Variants in PDE4D observed in about 807,000 individuals in gnomAD.
PDE4D encodes the protein phosphodiesterase 4D.
PDE4D carries 24 observed loss-of-function variants against 87.4 expected under a neutral mutation model. The observed-to-expected ratio is 0.27, with a 90% CI of 0.20 to 0.39. The LOEUF is 0.39. Ranked by LOEUF, PDE4D falls within the 10% of genes least tolerant of loss-of-function variation. The pLI is 1.00. For missense variants in PDE4D, 714 were observed against 1,041.0 expected (o/e 0.69, Z 4.32); for synonymous variants, 384 against 383.2 (o/e 1.00, Z -0.02).
chr5:59,581,689 C>A (rs114959770), intron 1 of PDE4D, among the ~76,000 whole-genome samples: 47 of 152,226 alleles, frequency 3.1e-4, no homozygotes, highest in African/African-American at 1.1e-3. Context: ...CAACTTTGCT[C>A]CTCTATCATA....
chr5:59,315,472 A>G (rs952593439), intron 1 of PDE4D, among the ~76,000 whole-genome samples: 4 of 151,676 alleles, frequency 2.6e-5, no homozygotes, highest in African/African-American at 9.7e-5. Context: ...TTGAGGGGGG[A>G]ATATGTTAGG....
rs116113362 is a variant in PDE4D, at chr5:59,354,313, G to A, written c.456-138345C>T. On this transcript the variant is annotated intron_variant, in intron 1 of 14. Transcript: ENST00000340635. The stretch of plus-strand genomic sequence containing the variant: ...GATAAGCTTAAGTTACTTTCACCGC[G>A]TAAGGATTTTGTATATTTTTTAAAA... Among the ~76,000 whole-genome samples the A allele has an allele frequency of 5.5e-3, 836 of 152,240 alleles. 13 individuals carry two copies. Among genetic ancestry groups the A allele is most frequent in the African/African-American group, 0.019 (797 of 41,532 alleles).
chr5:59,885,583 T>A (rs573444575), intron 1 of PDE4D, among the ~76,000 whole-genome samples: 5 of 152,308 alleles, frequency 3.3e-5, no homozygotes, highest in African/African-American at 1.2e-4. Flanking sequence ...ATAAACATTC[T>A]CTAAGAAATG....
At chr5:60,265,157 C>A (rs1750057887) in intron 1 of PDE4D, among the ~76,000 whole-genome samples, 1 of 152,172 alleles carries the variant, frequency 6.6e-6, no homozygotes, top group East Asian at 1.9e-4. Flanking sequence ...GACACTCAAC[C>A]TTAACAGAGG....
At chr5:60,048,708 G>T (rs1769662032) in intron 2 of PDE4D, among the ~76,000 whole-genome samples, 1 of 151,862 alleles carries the variant, frequency 6.6e-6, no homozygotes, top group African/African-American at 2.4e-5. Context: ...CTCTCTTCTG[G>T]CTTGTAGAGT....
chr5:60,225,269 T>C (rs1744956123), intron 1 of PDE4D, among the ~76,000 whole-genome samples: 1 of 152,108 alleles, frequency 6.6e-6, no homozygotes, highest in South Asian at 2.1e-4. Context: ...AGGGCTTGAC[T>C]GAATGAATTT....
chr5:59,731,309 T>G, intron 1 of PDE4D, among the ~76,000 whole-genome samples: 1 of 151,962 alleles, frequency 6.6e-6, no homozygotes, highest in Admixed American at 6.6e-5. Context: ...TTCTTTACCC[T>G]GGAATGAGGA....
chr5:59,448,154 CT>C (rs1489773701), intron 1 of PDE4D, among the ~76,000 whole-genome samples: 22 of 152,322 alleles, frequency 1.4e-4, no homozygotes, highest in African/African-American at 4.8e-4. Flanking sequence ...GGATGTTGAG[CT>C]GGTAAAGGCT....
At chr5:59,572,634 C>T (rs2153696249) in intron 1 of PDE4D, among the ~76,000 whole-genome samples, 1 of 152,280 alleles carries the variant, frequency 6.6e-6, no homozygotes. Context: ...GCGCCCGCCA[C>T]CACGCCCAGC....
At chr5:60,353,534 G>A (rs558588042) in intron 1 of PDE4D, among the ~76,000 whole-genome samples, 1 of 152,258 alleles carries the variant, frequency 6.6e-6, no homozygotes, top group South Asian at 2.1e-4. Flanking sequence ...TCATAAATCA[G>A]TACCTCTGAA....
chr5:60,151,625 C>T (rs2216726), intron 2 of PDE4D, among the ~76,000 whole-genome samples: 76,182 of 151,916 alleles, frequency 0.5, 19,480 homozygotes, highest in Admixed American at 0.55. Flanking sequence ...ACTGAATTTG[C>T]TTGTTTCAAC....
intron 1 of PDE4D, among the ~76,000 whole-genome samples, chr5:60,312,977 G>T (rs1755183225): frequency 6.6e-6 from 1 of 151,956 alleles, no homozygotes; most frequent in Admixed American, 6.6e-5. Context: ...CAAAAAGTTA[G>T]GAAGATTTTA....
At chr5:60,158,334 T>A (rs1175337322) in intron 2 of PDE4D, among the ~76,000 whole-genome samples, 1 of 152,068 alleles carries the variant, frequency 6.6e-6, no homozygotes, top group Non-Finnish European at 1.5e-5. Flanking sequence ...CATAACACAA[T>A]GGTAAGTATT....
rs1554023933 is a variant in PDE4D, at chr5:59,550,715, T to TTTTTTG, written c.456-334748_456-334747insCAAAAA. 5.5e-4 allele frequency among the ~76,000 whole-genome samples: 83 copies of TTTTTTG among 151,710 alleles called. 1 individual carries two copies. The highest frequency in any genetic ancestry group is 1.5e-3 in the African/African-American group (61 of 41,372). On this transcript the variant is annotated intron_variant, in intron 1 of 14. Transcript: ENST00000340635. Reference sequence around the variant, plus strand: ...TAATTTCTAAGAATTTTTTTTTTTTTGAGACAGAGTCTCACTCTGTCGCCC... The same window carrying TTTTTTG: ...TAATTTCTAAGAATTTTTTTTTTTTTTTTTTGGAGACAGAGTCTCACTCTGTCGCCC...
intron 2 of PDE4D, among the ~76,000 whole-genome samples, chr5:60,016,631 A>G (rs1765549756): frequency 6.6e-6 from 1 of 152,194 alleles, no homozygotes; most frequent in East Asian, 1.9e-4. Context: ...TGCTATTTCA[A>G]CAATGTTCAC....
intron 1 of PDE4D, among the ~76,000 whole-genome samples, chr5:59,576,725 T>G (rs926245693): frequency 2.0e-5 from 3 of 152,136 alleles, no homozygotes; most frequent in Admixed American, 6.6e-5. Flanking sequence ...GCAGTGAAGA[T>G]CTCACAGAAT....
At chr5:59,495,594 C>A (rs960785890) in intron 1 of PDE4D, among the ~76,000 whole-genome samples, 2 of 152,028 alleles carry the variant, frequency 1.3e-5, no homozygotes, top group African/African-American at 2.4e-5. Flanking sequence ...TGCTTGGATG[C>A]GATAGAGAAG....
intron 1 of PDE4D, among the ~76,000 whole-genome samples, chr5:60,284,782 G>A (rs1752260530): frequency 6.6e-6 from 1 of 151,934 alleles, no homozygotes; most frequent in Non-Finnish European, 1.5e-5. Context: ...TTCAGGATAG[G>A]TAGTTGGCCA....
chr5:60,204,735 T>C (rs1307838309), intron 1 of PDE4D, among the ~76,000 whole-genome samples: 1 of 152,184 alleles, frequency 6.6e-6, no homozygotes, highest in Non-Finnish European at 1.5e-5. Flanking sequence ...TTTTAGTACT[T>C]GAAGGTGGGA....
Sources: gnomAD v4.1 joint callset for allele counts (sites outside exome capture counted in the v4.1 genomes callset) on GRCh38, gnomAD v4.1.1 for gene constraint, MANE v1.5 for transcripts, NCBI Gene and HGNC (gene_info 2026-07-23, HGNC 2026-07-21) for gene names.